PAK1: variants seen among roughly 807,000 people sequenced by gnomAD.
The protein encoded by PAK1 is p21 (RAC1) activated kinase 1.
In PAK1, 29 loss-of-function variants were observed where a neutral mutation model predicts 67.4. The observed-to-expected ratio is 0.43, with a 90% CI of 0.32 to 0.59. The LOEUF is 0.59. Ranked by LOEUF, PAK1 falls within the 20% of genes least tolerant of loss-of-function variation. The pLI is 0.07. For synonymous variants in PAK1, 223 were observed against 237.4 expected, an observed-to-expected ratio of 0.94 and a Z score of 0.56; for missense variants, 337 against 670.7, an observed-to-expected ratio of 0.50 and a Z score of 5.50.
chr11:77,502,928 T>C, the PAK1 span, among the ~76,000 whole-genome samples: 1 of 152,236 alleles, frequency 6.6e-6, no homozygotes, highest in Admixed American at 6.5e-5. Flanking sequence ...TACTTTTCTT[T>C]ATTTTCCTTA....
chr11:77,417,008 C>G (rs1214079889), intron 1 of PAK1, among the ~76,000 whole-genome samples: 1 of 151,886 alleles, frequency 6.6e-6, no homozygotes, highest in Non-Finnish European at 1.5e-5. Flanking sequence ...GGCAGCACAG[C>G]AGGTTTGTTT....
intron 14 of PAK1, among the ~76,000 whole-genome samples, chr11:77,330,946 AC>A (rs1290604843): frequency 6.6e-6 from 1 of 152,020 alleles, no homozygotes; most frequent in Non-Finnish European, 1.5e-5. Context: ...CAAGAAAAAA[AC>A]AAACAACCCC....
At chr11:77,450,820 G>C (rs1181872128) in intron 1 of PAK1, among the ~76,000 whole-genome samples, 1 of 152,164 alleles carries the variant, frequency 6.6e-6, no homozygotes, top group Non-Finnish European at 1.5e-5. Context: ...AGTGACCCAA[G>C]TTTCCCAGTT....
intron 1 of PAK1, among the ~76,000 whole-genome samples, chr11:77,428,543 G>A (rs1225693254): frequency 6.6e-6 from 1 of 150,832 alleles, no homozygotes; most frequent in African/African-American, 2.4e-5. Context: ...CTGCACTCCA[G>A]CCTGGGCGAC....
chr11:77,323,754 A>G (rs1938956827), intron 14 of PAK1, among the ~76,000 whole-genome samples: 3 of 152,240 alleles, frequency 2.0e-5, no homozygotes, highest in Non-Finnish European at 4.4e-5. Flanking sequence ...AAAATTACAC[A>G]GCAATACAAT....
chr11:77,342,049 ATGT>A (rs1296287044), intron 10 of PAK1, among the ~76,000 whole-genome samples: 2 of 152,140 alleles, frequency 1.3e-5, no homozygotes, highest in African/African-American at 4.8e-5. Context: ...CTAATCACTA[ATGT>A]TATTAGGAGG....
chr11:77,328,765 G>A (rs887587267), intron 14 of PAK1, among the ~76,000 whole-genome samples: 1 of 152,046 alleles, frequency 6.6e-6, no homozygotes, highest in Non-Finnish European at 1.5e-5. Flanking sequence ...CTAGCAGAAG[G>A]CAAGAAATAA....
the PAK1 span, among the ~76,000 whole-genome samples, chr11:77,501,200 G>A: frequency 6.6e-5 from 10 of 151,370 alleles, no homozygotes; most frequent in East Asian, 1.6e-3. Flanking sequence ...CTCCCATAGA[G>A]CAGTTTTGAA....
chr11:77,358,394 A>C (rs531152064), intron 6 of PAK1, among the ~76,000 whole-genome samples: 1 of 152,336 alleles, frequency 6.6e-6, no homozygotes, highest in African/African-American at 2.4e-5. Flanking sequence ...AATCACTGCC[A>C]ACATCCGGCA....
chr11:77,525,322 C>T, the PAK1 span, among the ~76,000 whole-genome samples: 106 of 151,094 alleles, frequency 7.0e-4, no homozygotes, highest in Middle Eastern at 3.4e-3. Flanking sequence ...AGAGCCAGAC[C>T]GTGTCTCAAA....
the PAK1 span, among the ~76,000 whole-genome samples, chr11:77,514,456 C>G: frequency 6.6e-6 from 1 of 152,164 alleles, no homozygotes; most frequent in East Asian, 1.9e-4. Flanking sequence ...GATCACACCA[C>G]CGCACACCAG....
intron 1 of PAK1, among the ~76,000 whole-genome samples, chr11:77,436,923 T>C (rs976268570): frequency 3.9e-5 from 6 of 152,200 alleles, no homozygotes; most frequent in African/African-American, 1.4e-4. Flanking sequence ...CAGATGCCAG[T>C]CAGTTGCATC....
Position 77,323,039 on chromosome 11 carries a change from C to A in PAK1, c.*235G>T. The A allele has an allele frequency of 2.7e-6, 2 of 751,534 alleles. No homozygotes were observed. Among genetic ancestry groups the A allele is most frequent in the Non-Finnish European group, 4.6e-6 (2 of 433,278 alleles). 46.6% of individuals were successfully genotyped at this position (751,534 alleles called of 1,614,324 possible). A position where few individuals can be genotyped will look rare whatever the true frequency, so the allele number is the denominator to read the frequency against. On this transcript the variant is annotated 3_prime_UTR_variant, in exon 15 of 15. Coordinates refer to ENST00000356341, the MANE Select transcript of PAK1 (RefSeq NM_002576.5). ...CTTAATCATAAACCACCCTCATATC[C>A]ATGAATTGGGAGGAAATTCCTTATT...
intron 1 of PAK1, among the ~76,000 whole-genome samples, chr11:77,445,361 A>G (rs369041274): frequency 1.6e-4 from 25 of 152,342 alleles, no homozygotes; most frequent in African/African-American, 5.8e-4. Context: ...AGCACTAGGA[A>G]ACTAATACAG....
At chr11:77,501,933 A>T in the PAK1 span, among the ~76,000 whole-genome samples, 6 of 130,742 alleles carry the variant, frequency 4.6e-5, no homozygotes, top group Non-Finnish European at 9.1e-5. Context: ...TTTCAGAAGC[A>T]ATAAACCAAA....
At chr11:77,391,177 T>A (rs932039618) in intron 2 of PAK1, among the ~76,000 whole-genome samples, 1 of 152,226 alleles carries the variant, frequency 6.6e-6, no homozygotes, top group Non-Finnish European at 1.5e-5. Context: ...TTGTTGTATC[T>A]GCCCTACTGT....
chr11:77,399,952 G>C (rs999908484), intron 1 of PAK1, among the ~76,000 whole-genome samples: 4 of 147,452 alleles, frequency 2.7e-5, no homozygotes, highest in African/African-American at 9.8e-5. Flanking sequence ...GATAAAGTTA[G>C]TATATGAAAA....
chr11:77,513,093 G>C, the PAK1 span, among the ~76,000 whole-genome samples: 1 of 151,942 alleles, frequency 6.6e-6, no homozygotes, highest in Non-Finnish European at 1.5e-5. Flanking sequence ...CTGTCTCAGA[G>C]AAAAAGAAAA....
chr11:77,322,982 CG>C lies in PAK1; in HGVS notation c.*291del. The C allele has an allele frequency of 1.7e-6, 1 of 603,838 alleles. No homozygotes were observed. The allele number at this position is 603,838 out of a possible 1,614,324, so 37.4% of individuals were successfully genotyped here. The stretch of plus-strand genomic sequence containing the variant: ...TGAAGGAGGTGAGGATTTTGACACA[CG>C]GAAGACTAGAAACATTTATTTATAT... On this transcript the variant is annotated 3_prime_UTR_variant, in exon 15 of 15. Transcript: ENST00000356341.
Sources: allele counts gnomAD v4.1 joint callset (sites outside exome capture counted in the v4.1 genomes callset), GRCh38; gene constraint gnomAD v4.1.1; transcripts MANE v1.5; gene names NCBI Gene and HGNC (gene_info 2026-07-23, HGNC 2026-07-21).